ADAMTS2: variants seen among roughly 807,000 people sequenced by gnomAD.
ADAMTS2 encodes A disintegrin and metalloproteinase with thrombospondin motifs 2.
A neutral mutation model predicts 123.0 loss-of-function variants in ADAMTS2; 50 were observed. The observed-to-expected ratio is 0.41, with a 90% CI of 0.32 to 0.51. The LOEUF (loss-of-function observed/expected upper bound fraction) is 0.51. Ranked by LOEUF, ADAMTS2 falls within the 20% of genes least tolerant of loss-of-function variation. The pLI, the probability that ADAMTS2 is intolerant of heterozygous loss-of-function variation, is 0.35. For synonymous variants in ADAMTS2, 678 were observed against 695.4 expected (o/e 0.98, Z 0.39); for missense variants, 1,494 against 1,705.2 (o/e 0.88, Z 2.18).
chr5:179,244,008 G>A (rs759493748), intron 3 of ADAMTS2, among the ~76,000 whole-genome samples: 1 of 151,940 alleles, frequency 6.6e-6, no homozygotes, highest in Non-Finnish European at 1.5e-5. Context: ...AAAAGTAAAC[G>A]GAACTTAAGA....
intron 3 of ADAMTS2, among the ~76,000 whole-genome samples, chr5:179,253,675 T>C (rs1321894079): frequency 1.3e-5 from 2 of 151,798 alleles, no homozygotes; most frequent in African/African-American, 4.8e-5. Context: ...CCTTTTTCTC[T>C]AATTTGTCCT....
intron 3 of ADAMTS2, among the ~76,000 whole-genome samples, chr5:179,220,851 G>A (rs1358336987): frequency 1.3e-5 from 2 of 152,186 alleles, no homozygotes; most frequent in African/African-American, 2.4e-5. Context: ...GCCCTGCAGG[G>A]GTGAGGTCCT....
chr5:179,326,209 T>C (rs1348565725), intron 2 of ADAMTS2, among the ~76,000 whole-genome samples: 1 of 151,388 alleles, frequency 6.6e-6, no homozygotes, highest in Non-Finnish European at 1.5e-5. Context: ...TGCGTGTGTG[T>C]GTGTGTGTGT....
chr5:179,204,930 C>A (rs570895446), intron 4 of ADAMTS2, among the ~76,000 whole-genome samples: 3 of 152,366 alleles, frequency 2.0e-5, no homozygotes, highest in African/African-American at 7.2e-5. Context: ...CACTTCTGTG[C>A]AACAGGGGAC....
rs2127463859 is a variant in ADAMTS2 at position 179,345,226 on chromosome 5, C to T, written c.103G>A (p.Ala35Thr). The T allele has an allele frequency of 8.9e-7, 1 of 1,123,132 alleles. No individual in the cohort carries two copies. Among genetic ancestry groups the T allele is most frequent in the East Asian group, 5.0e-5 (1 of 19,934 alleles). The allele number at this position is 1,123,132 out of a possible 1,614,324, so 69.6% of individuals were successfully genotyped here. The stretch of plus-strand genomic sequence containing the variant: ...GCGGCGGCGGCGAGCCTGGCGTTCG[C>T]GGGCGGCGGCGGCGGCGGCAGGAGC... ...PPLLPPPPPPANARLAAAADP... is the reference protein window; with the variant it reads ...PPLLPPPPPPTNARLAAAADP... The change falls in exon 1 of 22, where the codon GCG (alanine) becomes ACG (threonine). Residue 35 changes from alanine (A) to threonine (T), a missense_variant. Ala to Thr is a moderately conservative substitution (Grantham distance 58, BLOSUM62 0). This residue lies in a region of ADAMTS2 where 237 missense variants were observed against 233.7 expected (regional missense o/e 1.01). Coordinates refer to ENST00000251582, the MANE Select transcript of ADAMTS2 (RefSeq NM_014244.5). This position sits in a 1 kb window ranked among gnomAD's most constrained non-coding sequence, Gnocchi z 7.5.
At chr5:179,135,868 C>T (rs777994887) in intron 13 of ADAMTS2, 41 bp downstream of exon 13, 4 of 1,612,004 alleles carry the variant, frequency 2.5e-6, no homozygotes, top group Non-Finnish European at 2.5e-6. Flanking sequence ...GAAGCTGAGA[C>T]TTGACACGGT....
At chr5:179,171,099 C>T (rs1312987428) in intron 5 of ADAMTS2, among the ~76,000 whole-genome samples, 4 of 152,182 alleles carry the variant, frequency 2.6e-5, no homozygotes, top group African/African-American at 4.8e-5. Flanking sequence ...TTGGATACCT[C>T]GGTTTTTGTC....
chr5:179,135,146 C>T (rs1763043214), intron 13 of ADAMTS2, among the ~76,000 whole-genome samples: 1 of 142,546 alleles, frequency 7.0e-6, no homozygotes, highest in Non-Finnish European at 1.6e-5. Context: ...CTCCCGGCTC[C>T]AGCCCCCAGC....
chr5:179,131,803 T>C (rs1762968212), intron 15 of ADAMTS2, among the ~76,000 whole-genome samples: 1 of 152,160 alleles, frequency 6.6e-6, no homozygotes, highest in South Asian at 2.1e-4. Flanking sequence ...ATTGAAAATG[T>C]AAGTGCACTG....
rs1756723505 is a variant in ADAMTS2 at position 179,307,910 on chromosome 5, C to A, written c.535-34846G>T. On this transcript the variant is annotated intron_variant, in intron 2 of 21. Transcript: ENST00000251582. This position sits in a 1 kb window ranked among gnomAD's most constrained non-coding sequence, Gnocchi z 5.6. ...TTTCCCAATCATCGACACGTGGGTT[C>A]TTTATTGGGTCACTCTCTGCCCCCT... Among the ~76,000 whole-genome samples, 1 of 152,194 alleles carries A rather than the reference C, an allele frequency of 6.6e-6. No individual in the cohort carries two copies. The highest frequency in any genetic ancestry group is 6.5e-5 in the Admixed American group (1 of 15,288).
chr5:179,318,776 G>A (rs1001515614), intron 2 of ADAMTS2, among the ~76,000 whole-genome samples: 2 of 151,642 alleles, frequency 1.3e-5, no homozygotes, highest in African/African-American at 2.4e-5. Context: ...CACTGATGTC[G>A]CTGTTTGAGC....
rs1340118902 is a variant in ADAMTS2 at position 179,128,390 on chromosome 5, GT to G, written c.2458-273del. 1.3e-5 allele frequency among the ~76,000 whole-genome samples: 2 copies of G among 151,282 alleles called. No homozygotes were observed. The highest frequency in any genetic ancestry group is 3.0e-5 in the Non-Finnish European group (2 of 67,556). On this transcript the variant is annotated intron_variant, in intron 16 of 21. Coordinates refer to ENST00000251582, the MANE Select transcript of ADAMTS2 (RefSeq NM_014244.5). This position sits in a 1 kb window ranked among gnomAD's most constrained non-coding sequence, Gnocchi z 4.9. ...TATGTGTGAGTCTGTTTATTTTTTT[GT>G]TTGTTTTTGTTTGTTTTTGAGATGG...
At chr5:179,327,761 G>A (rs950125110) in intron 2 of ADAMTS2, among the ~76,000 whole-genome samples, 4 of 152,172 alleles carry the variant, frequency 2.6e-5, no homozygotes, top group Non-Finnish European at 2.9e-5. Context: ...CCTTAGAAGC[G>A]GGGCTAGATG....
chr5:179,235,874 C>T (rs1765512644), intron 3 of ADAMTS2, among the ~76,000 whole-genome samples: 1 of 152,228 alleles, frequency 6.6e-6, no homozygotes, highest in African/African-American at 2.4e-5. Context: ...GCATGGGTTG[C>T]CCTCTGCATC....
chr5:179,249,377 A>C (rs1286406129), intron 3 of ADAMTS2, among the ~76,000 whole-genome samples: 1 of 152,114 alleles, frequency 6.6e-6, no homozygotes, highest in Non-Finnish European at 1.5e-5. Context: ...CAAAGCTAGC[A>C]GAAAAAAGGA....
rs1405003145 is a variant in ADAMTS2, at chr5:179,137,924, G to T, written c.1796C>A (p.Thr599Asn). 1.3e-6 allele frequency: 2 copies of T among 1,549,524 alleles called. No homozygotes were observed. The highest frequency in any genetic ancestry group is 2.7e-5 in the African/African-American group (2 of 73,154). Residue 599 changes from threonine (T) to asparagine (N), a missense_variant, in exon 12 of 22, where the codon ACC becomes AAC. Coordinates refer to ENST00000251582, the MANE Select transcript of ADAMTS2 (RefSeq NM_014244.5). ...DNPHPANGGR[T>N]CSGLAYDFQL... The stretch of plus-strand genomic sequence containing the variant: ...GAAGTCGTAGGCAAGGCCCGAGCAG[G>T]TGCGGCCCCCGTTGGCCGGGCTGGA...
At chr5:179,327,510 G>A (rs1419304648) in intron 2 of ADAMTS2, among the ~76,000 whole-genome samples, 1 of 152,186 alleles carries the variant, frequency 6.6e-6, no homozygotes, top group South Asian at 2.1e-4. Context: ...AACAGACCAC[G>A]AGGGACTGAG....
In ADAMTS2 at chr5:179,345,066, C is replaced by T. The variant is rs1394497567; in HGVS notation, c.139+124G>A. Reference sequence around the variant, plus strand: ...GCCCCGAAGTTGGCCAACTTGGCCCCGGGCGGGGCGCGCGGAGTTTGCCCA... The same window carrying T: ...GCCCCGAAGTTGGCCAACTTGGCCCTGGGCGGGGCGCGCGGAGTTTGCCCA... On this transcript the variant is annotated intron_variant, in intron 1 of 21. Transcript: ENST00000251582. The surrounding 1 kb of genome is among the most constrained non-coding windows in gnomAD (Gnocchi z 7.5). 2 of 776,936 alleles carry T rather than the reference C, an allele frequency of 2.6e-6. No homozygotes were observed. Among genetic ancestry groups the T allele is most frequent in the Admixed American group, 5.7e-5 (1 of 17,400 alleles). The allele number at this position is 776,936 out of a possible 1,614,324, so 48.1% of individuals were successfully genotyped here.
intron 3 of ADAMTS2, among the ~76,000 whole-genome samples, chr5:179,270,227 C>G (rs1766490997): frequency 6.6e-6 from 1 of 152,150 alleles, no homozygotes; most frequent in African/African-American, 2.4e-5. Context: ...CCCTGAGCAG[C>G]CCGTGGGCTT....
Sources: allele counts gnomAD v4.1 joint callset (sites outside exome capture counted in the v4.1 genomes callset), GRCh38; gene constraint gnomAD v4.1.1; regional missense constraint gnomAD v4.1.1; non-coding constraint Gnocchi (gnomAD v3.1); transcripts MANE v1.5; gene names NCBI Gene and HGNC (gene_info 2026-07-23, HGNC 2026-07-21).